Variants in DHX15 observed in about 807,000 individuals in gnomAD.
The protein encoded by DHX15 is ATP-dependent RNA helicase DHX15.
DHX15 carries 11 observed loss-of-function variants against 94.4 expected under a neutral mutation model. The ratio of observed to expected loss-of-function variants is 0.12; its 90% CI spans 0.07 to 0.19. DHX15 has a LOEUF of 0.19. Ranked by LOEUF, DHX15 falls within the 10% of genes least tolerant of loss-of-function variation. DHX15 has a pLI of 1.00. For synonymous variants in DHX15, 338 were observed against 329.9 expected, an observed-to-expected ratio of 1.02 and a Z score of -0.27; for missense variants, 304 against 988.5, an observed-to-expected ratio of 0.31 and a Z score of 9.29.
At chr4:24,572,213 T>A (rs182254820) in intron 2 of DHX15, among the ~76,000 whole-genome samples, 1 of 152,302 alleles carries the variant, frequency 6.6e-6, no homozygotes, top group African/African-American at 2.4e-5. Flanking sequence ...TAATCTTGGC[T>A]CACTGTAACC....
At chr4:24,579,492 T>C (rs930070796) in intron 1 of DHX15, among the ~76,000 whole-genome samples, 10 of 152,188 alleles carry the variant, frequency 6.6e-5, no homozygotes, top group African/African-American at 2.2e-4. Flanking sequence ...AAAACTGGTA[T>C]CAAGTCAGTG....
intron 3 of DHX15, among the ~76,000 whole-genome samples, chr4:24,557,848 C>G (rs1721769983): frequency 6.6e-6 from 1 of 152,050 alleles, no homozygotes; most frequent in African/African-American, 2.4e-5. Context: ...TTCCTGTCTT[C>G]CGATATATCA....
intron 6 of DHX15, among the ~76,000 whole-genome samples, chr4:24,544,945 C>CA (rs1287369100): frequency 6.6e-6 from 1 of 151,958 alleles, no homozygotes; most frequent in South Asian, 2.1e-4. Context: ...CCCACCTCTA[C>CA]AAAAAAATAA....
rs1305705101 is a variant in DHX15 at position 24,537,395 on chromosome 4, TTTTAACTAGATCTAA to T, written c.1787-237_1787-223del. 1.2e-5 allele frequency: 5 copies of T among 430,262 alleles called. No homozygotes were observed. Among genetic ancestry groups the T allele is most frequent in the Non-Finnish European group, 2.0e-5 (5 of 246,796 alleles). 26.7% of individuals were successfully genotyped at this position (430,262 alleles called of 1,614,324 possible). ...TTCAAAGCTACAGAGTACCTGATTA[TTTTAACTAGATCTAA>T]AAGTAGGCATCAAAACAGCTATTCT... On this transcript the variant is annotated intron_variant, in intron 10 of 13. Transcript: ENST00000336812. This position sits in a 1 kb window ranked among gnomAD's most constrained non-coding sequence, Gnocchi z 4.7.
chr4:24,574,282 T>C (rs1419182583), intron 2 of DHX15, among the ~76,000 whole-genome samples: 1 of 143,854 alleles, frequency 7.0e-6, no homozygotes, highest in Non-Finnish European at 1.5e-5. Flanking sequence ...CAAGAACAAA[T>C]CACCAAAAAA....
intron 1 of DHX15, among the ~76,000 whole-genome samples, chr4:24,579,842 T>G (rs909777249): frequency 1.3e-5 from 2 of 152,212 alleles, no homozygotes; most frequent in African/African-American, 4.8e-5. Flanking sequence ...CTCAGCTCAC[T>G]GCAACCTCTG....
At chr4:24,576,175 A>T in intron 2 of DHX15, 68 bp downstream of exon 2, 1 of 1,299,702 alleles carries the variant, frequency 7.7e-7, no homozygotes, top group Non-Finnish European at 1.1e-6. Context: ...GACCACCAGA[A>T]TCAAATATGC....
chr4:24,562,606 C>T (rs368681895), intron 3 of DHX15, among the ~76,000 whole-genome samples: 25 of 152,150 alleles, frequency 1.6e-4, no homozygotes, highest in African/African-American at 5.1e-4. Context: ...ATTCAATAAA[C>T]GGTTCTATAC....
intron 5 of DHX15, among the ~76,000 whole-genome samples, chr4:24,554,091 A>G (rs911090988): frequency 6.6e-6 from 1 of 151,872 alleles, no homozygotes. Flanking sequence ...GGTGGCGGGC[A>G]CCTGTAGTCC....
chr4:24,562,141 A>AAAAAAAAAAAAAAAAAC (rs1371564271), intron 3 of DHX15, among the ~76,000 whole-genome samples: 1 of 151,006 alleles, frequency 6.6e-6, no homozygotes, highest in Non-Finnish European at 1.5e-5. Flanking sequence ...CAAAAAAAAA[A>AAAAAAAAAAAAAAAAAC]AAAAAAAAAA....
At chr4:24,560,381 C>CA (rs1171007091) in intron 3 of DHX15, among the ~76,000 whole-genome samples, 1 of 151,832 alleles carries the variant, frequency 6.6e-6, no homozygotes, top group Non-Finnish European at 1.5e-5. Flanking sequence ...ATGTTTAAAA[C>CA]AAAAACAAAA....
chr4:24,558,878 A>T (rs1365595862), intron 3 of DHX15, among the ~76,000 whole-genome samples: 1 of 152,140 alleles, frequency 6.6e-6, no homozygotes, highest in East Asian at 1.9e-4. Context: ...CACTGTACTG[A>T]TTCCCAGTCC....
chr4:24,581,809 T>C (rs1722421700), intron 1 of DHX15, among the ~76,000 whole-genome samples: 2 of 152,184 alleles, frequency 1.3e-5, no homozygotes, highest in Middle Eastern at 3.2e-3. Context: ...TTTCGGTAAT[T>C]GTATAGTGAA....
intron 6 of DHX15, among the ~76,000 whole-genome samples, chr4:24,547,964 T>TCTG (rs1172055669): frequency 7.1e-6 from 1 of 141,828 alleles, no homozygotes; most frequent in East Asian, 2.0e-4. Context: ...TCTATATCTA[T>TCTG]CTGCTGATGG....
chr4:24,561,787 G>A (rs2109412305), intron 3 of DHX15, among the ~76,000 whole-genome samples: 1 of 152,178 alleles, frequency 6.6e-6, no homozygotes, highest in Non-Finnish European at 1.5e-5. Flanking sequence ...AGGATGGAGG[G>A]TGGGAAGAGA....
At chr4:24,582,656 C>T (rs189036058) in intron 1 of DHX15, among the ~76,000 whole-genome samples, 5 of 152,194 alleles carry the variant, frequency 3.3e-5, no homozygotes, top group African/African-American at 7.2e-5. Flanking sequence ...CAGTACTGAA[C>T]TGTGTGCTGC....
rs184316743 is a variant in DHX15 at position 24,550,181 on chromosome 4, G to C, written c.1081-1159C>G. The stretch of plus-strand genomic sequence containing the variant: ...TGCCATGAAAGAAGTCTGCAGGACT[G>C]AAAGTTGCTGTGAGTGAGTGAGTAC... On this transcript the variant is annotated intron_variant, in intron 5 of 13. Transcript: ENST00000336812. Among the ~76,000 whole-genome samples, 5 of 149,424 alleles carry C rather than the reference G, an allele frequency of 3.3e-5. No individual in the cohort carries two copies. In the East Asian group the frequency reaches 9.9e-4, roughly 30 times the overall value.
chr4:24,541,452 T>C (rs1376851781), intron 8 of DHX15, among the ~76,000 whole-genome samples: 1 of 152,100 alleles, frequency 6.6e-6, no homozygotes, highest in Non-Finnish European at 1.5e-5. Context: ...ATGCTGGCAA[T>C]TTGGATATGC....
In DHX15 at chr4:24,534,744, T is replaced by C. The variant is rs1721159528; in HGVS notation, c.1910-1690A>G. Reference sequence around the variant, plus strand: ...AGACAACATTTTAATTGACATGACATTTTAGCTTCACTATGTAATCAACTA... The same window carrying C: ...AGACAACATTTTAATTGACATGACACTTTAGCTTCACTATGTAATCAACTA... On this transcript the variant is annotated intron_variant, in intron 11 of 13. Coordinates refer to ENST00000336812, the MANE Select transcript of DHX15 (RefSeq NM_001358.3). 2.0e-5 allele frequency among the ~76,000 whole-genome samples: 3 copies of C among 152,282 alleles called. No individual in the cohort carries two copies. In the South Asian group the frequency reaches 6.2e-4, roughly 32 times the overall value.
Sources: gnomAD v4.1 joint callset for allele counts (sites outside exome capture counted in the v4.1 genomes callset) on GRCh38, gnomAD v4.1.1 for gene constraint, Gnocchi (gnomAD v3.1) non-coding constraint, MANE v1.5 for transcripts, NCBI Gene and HGNC (gene_info 2026-07-23, HGNC 2026-07-21) for gene names.